Variants in TRIM67 observed in about 807,000 individuals in gnomAD.
TRIM67 encodes the protein tripartite motif containing 67.
A neutral mutation model predicts 71.0 loss-of-function variants in TRIM67; 39 were observed. The observed-to-expected ratio is 0.55, with a 90% CI of 0.43 to 0.72. The LOEUF (loss-of-function observed/expected upper bound fraction) is 0.72. TRIM67 is among the 30% of genes least tolerant of loss of function. The pLI is 0.00. For synonymous variants in TRIM67, 481 were observed against 473.9 expected, an observed-to-expected ratio of 1.01 and a Z score of -0.19; for missense variants, 973 against 1,079.2, an observed-to-expected ratio of 0.90 and a Z score of 1.38.
At chr1:231,199,789 G>A (rs1426875013) in intron 3 of TRIM67, among the ~76,000 whole-genome samples, 2 of 152,218 alleles carry the variant, frequency 1.3e-5, no homozygotes, top group Admixed American at 1.3e-4. Flanking sequence ...ATAAGTGAGG[G>A]GGCTAGGACC....
At chr1:231,196,845 G>A (rs927890019) in intron 1 of TRIM67, among the ~76,000 whole-genome samples, 1 of 152,056 alleles carries the variant, frequency 6.6e-6, no homozygotes, top group Non-Finnish European at 1.5e-5. Flanking sequence ...GGATGCCCTA[G>A]GATTACCAGT....
chr1:231,219,507 G>A lies in TRIM67; in HGVS notation c.*4067G>A. 4 of 1,070,382 alleles carry A rather than the reference G, an allele frequency of 3.7e-6. No individual in the cohort carries two copies. Among genetic ancestry groups the A allele is most frequent in the South Asian group, 2.8e-5 (1 of 35,968 alleles). 66.3% of individuals were successfully genotyped at this position (1,070,382 alleles called of 1,614,324 possible). A position where few individuals can be genotyped will look rare whatever the true frequency, so the allele number is the denominator to read the frequency against. On this transcript the variant is annotated 3_prime_UTR_variant, in exon 10 of 10. Transcript: ENST00000366653. The stretch of plus-strand genomic sequence containing the variant: ...AGGATTTTCCATGTGTCTTCAGGGG[G>A]CAGGTAGGGGAAAATGGGGTGAGCC...
At chr1:231,210,081 G>A (rs1683825920) in intron 8 of TRIM67, among the ~76,000 whole-genome samples, 2 of 152,206 alleles carry the variant, frequency 1.3e-5, no homozygotes, top group Admixed American at 6.5e-5. Flanking sequence ...CAGCATGTGG[G>A]GATGGACGTG....
intron 1 of TRIM67, among the ~76,000 whole-genome samples, chr1:231,186,893 G>A (rs1341015814): frequency 6.6e-6 from 1 of 152,146 alleles, no homozygotes. Flanking sequence ...TGGATGATGG[G>A]AAGGTGCTTC....
rs759104514 is a variant in TRIM67 at position 231,163,508 on chromosome 1, G to C, written c.539G>C (p.Arg180Pro). Residue 180 changes from arginine (R) to proline (P), a missense_variant, in exon 1 of 10, where the codon CGG becomes CCG. Around this residue, in one of 2 missense-constraint regions of TRIM67, gnomAD observed 795 missense variants for 831.3 expected, o/e 0.96. Coordinates refer to ENST00000366653, the MANE Select transcript of TRIM67 (RefSeq NM_001004342.5). ...GGCCTGCGCGGCTTCCAGCGCAACCGGCTGCTCGAGGCCATCGTGCAGCGG... is the reference window on the plus strand; with the variant it reads ...GGCCTGCGCGGCTTCCAGCGCAACCCGCTGCTCGAGGCCATCGTGCAGCGG... ...HRGLRGFQRN[R>P]LLEAIVQRYQ... is the part of the protein sequence containing the mutation. 5.9e-6 allele frequency: 9 copies of C among 1,517,024 alleles called. No homozygotes were observed. The South Asian group carries it at 9.8e-5, about 17-fold the overall frequency. 94.0% of individuals were successfully genotyped at this position (1,517,024 alleles called of 1,614,324 possible). A position where few individuals can be genotyped will look rare whatever the true frequency, so the allele number is the denominator to read the frequency against.
intron 9 of TRIM67, among the ~76,000 whole-genome samples, chr1:231,214,188 G>A (rs903467916): frequency 6.6e-6 from 1 of 152,238 alleles, no homozygotes; most frequent in Non-Finnish European, 1.5e-5. Flanking sequence ...TAAGGTGGCA[G>A]CTTCTGGAGA....
Position 231,220,229 on chromosome 1 carries a change from G to A in TRIM67, c.*4789G>A. ...CCAAGCCTCCTTGTGACCAGGGCAA[G>A]GAGCTGCCTGGCCTCCAGTGGGTAA... On this transcript the variant is annotated 3_prime_UTR_variant, in exon 10 of 10. Coordinates refer to ENST00000366653, the MANE Select transcript of TRIM67 (RefSeq NM_001004342.5). 2 of 324,528 alleles carry A rather than the reference G, an allele frequency of 6.2e-6. No individual in the cohort carries two copies. The highest frequency in any genetic ancestry group is 1.2e-5 in the Non-Finnish European group (2 of 165,490). The allele number at this position is 324,528 out of a possible 1,614,324, so 20.1% of individuals were successfully genotyped here. A position where few individuals can be genotyped will look rare whatever the true frequency, so the allele number is the denominator to read the frequency against.
chr1:231,220,593 G>A lies in TRIM67; in HGVS notation c.*5153G>A, dbSNP rs1028721628. On this transcript the variant is annotated 3_prime_UTR_variant, in exon 10 of 10. Coordinates refer to ENST00000366653, the MANE Select transcript of TRIM67 (RefSeq NM_001004342.5). ...CACGAAGAGATGCAACTGAGCCGAAGTTTTGAAGGCTGGTTGGGCTAGTGG... is the reference window on the plus strand; with the variant it reads ...CACGAAGAGATGCAACTGAGCCGAAATTTTGAAGGCTGGTTGGGCTAGTGG... 6.6e-6 allele frequency: 1 copy of A among 152,326 alleles called. No individual in the cohort carries two copies. Among genetic ancestry groups the A allele is most frequent in the African/African-American group, 2.4e-5 (1 of 41,464 alleles). 9.4% of individuals were successfully genotyped at this position (152,326 alleles called of 1,614,324 possible).
chr1:231,165,173 C>T (rs1176145127), intron 1 of TRIM67, among the ~76,000 whole-genome samples: 1 of 152,032 alleles, frequency 6.6e-6, no homozygotes, highest in Non-Finnish European at 1.5e-5. Context: ...TGGATAGAGG[C>T]CAGGGAAGCT....
chr1:231,173,842 G>A (rs979838284), intron 1 of TRIM67, among the ~76,000 whole-genome samples: 2 of 152,180 alleles, frequency 1.3e-5, no homozygotes, highest in Admixed American at 6.5e-5. Flanking sequence ...GTAATTAGAA[G>A]CTGTTGCAGC....
At chr1:231,169,842 T>C (rs1682577369) in intron 1 of TRIM67, among the ~76,000 whole-genome samples, 1 of 151,054 alleles carries the variant, frequency 6.6e-6, no homozygotes, top group Admixed American at 6.7e-5. Context: ...AACTAGAGGC[T>C]GCAGCACTTC....
chr1:231,208,195 A>G (rs1218154847), intron 7 of TRIM67, among the ~76,000 whole-genome samples: 1 of 146,698 alleles, frequency 6.8e-6, no homozygotes, highest in Non-Finnish European at 1.5e-5. Flanking sequence ...TTTTTTTGAG[A>G]CAGAGTCTTG....
intron 8 of TRIM67, among the ~76,000 whole-genome samples, chr1:231,213,108 C>T (rs1683918777): frequency 6.6e-6 from 1 of 152,156 alleles, no homozygotes; most frequent in African/African-American, 2.4e-5. Context: ...TCATCGACCT[C>T]AGCATCCTCA....
At chr1:231,200,663 CG>C (rs1683494914) in intron 4 of TRIM67, among the ~76,000 whole-genome samples, 1 of 152,118 alleles carries the variant, frequency 6.6e-6, no homozygotes, top group African/African-American at 2.4e-5. Context: ...GCAATTTTCT[CG>C]GGGCCATCTC....
At chr1:231,202,939 C>G (rs1055857664) in intron 5 of TRIM67, among the ~76,000 whole-genome samples, 1 of 152,064 alleles carries the variant, frequency 6.6e-6, no homozygotes. Context: ...TCAGGGGTAA[C>G]TGGACTGGAT....
intron 1 of TRIM67, among the ~76,000 whole-genome samples, chr1:231,168,969 C>T (rs1682549514): frequency 6.6e-6 from 1 of 152,338 alleles, no homozygotes; most frequent in African/African-American, 2.4e-5. Context: ...TGTTTGGAGT[C>T]CAAACTGAGA....
At chr1:231,186,197 C>T (rs12070228) in intron 1 of TRIM67, 5 of 1,524,572 alleles carry the variant, frequency 3.3e-6, no homozygotes, top group African/African-American at 2.8e-5. Flanking sequence ...AGCAGTGGAA[C>T]TCTTGAGCCC....
rs199577622 is a variant in TRIM67, at chr1:231,217,500, C to T, written c.*2060C>T. 2.9e-5 allele frequency: 29 copies of T among 1,004,476 alleles called. No homozygotes were observed. The highest frequency in any genetic ancestry group is 2.0e-4 in the East Asian group (2 of 9,948). 62.2% of individuals were successfully genotyped at this position (1,004,476 alleles called of 1,614,324 possible). On this transcript the variant is annotated 3_prime_UTR_variant, in exon 10 of 10. Transcript: ENST00000366653. ...GTGGCCTTTGCTTGGAGCATGGAGA[C>T]GATCCCTAAAGATTGAGGATGAAGA...
chr1:231,175,689 G>C (rs561836544), intron 1 of TRIM67, among the ~76,000 whole-genome samples: 16 of 152,318 alleles, frequency 1.1e-4, no homozygotes, highest in Non-Finnish European at 2.2e-4. Context: ...ATCTTCCAAG[G>C]CTGTCCTCAT....
Sources: gnomAD v4.1 joint callset for allele counts (sites outside exome capture counted in the v4.1 genomes callset) on GRCh38, gnomAD v4.1.1 for gene constraint, gnomAD v4.1.1 regional missense constraint, MANE v1.5 for transcripts, NCBI Gene and HGNC (gene_info 2026-07-23, HGNC 2026-07-21) for gene names.